The following ST6GALNAC5 variants were observed in gnomAD, a reference collection of about 807,000 sequenced individuals.
ST6GALNAC5 encodes the protein ST6 N-acetylgalactosaminide alpha-2,6-sialyltransferase 5.
In ST6GALNAC5, 27 loss-of-function variants were observed where a neutral mutation model predicts 33.6. The observed-to-expected ratio is 0.80, with a 90% CI of 0.59 to 1.11. The LOEUF (loss-of-function observed/expected upper bound fraction) is 1.11. ST6GALNAC5 is among the 50% of genes least tolerant of loss of function. The probability of loss-of-function intolerance (pLI) is 0.00; values close to 1 mark genes in which losing one functional copy is unlikely to be tolerated. For missense variants in ST6GALNAC5, 428 were observed against 454.0 expected, an observed-to-expected ratio of 0.94 and a Z score of 0.52; for synonymous variants, 194 against 171.2, an observed-to-expected ratio of 1.13 and a Z score of -1.04.
chr1:76,931,965 G>A (rs918184135), intron 2 of ST6GALNAC5, among the ~76,000 whole-genome samples: 1 of 152,044 alleles, frequency 6.6e-6, no homozygotes, highest in African/African-American at 2.4e-5. Context: ...GTTTCAAGAT[G>A]AAGAGAATAC....
intron 2 of ST6GALNAC5, among the ~76,000 whole-genome samples, chr1:76,950,386 C>T (rs913132092): frequency 6.6e-6 from 1 of 151,744 alleles, no homozygotes; most frequent in African/African-American, 2.4e-5. Flanking sequence ...TTCTTTAGTC[C>T]CAACTTATAG....
At chr1:77,001,641 G>T (rs1373397879) in intron 2 of ST6GALNAC5, among the ~76,000 whole-genome samples, 2 of 151,902 alleles carry the variant, frequency 1.3e-5, no homozygotes, top group Non-Finnish European at 2.9e-5. Context: ...GTCGTAGATA[G>T]CTCTTATTTT....
intron 2 of ST6GALNAC5, among the ~76,000 whole-genome samples, chr1:76,931,715 G>A (rs1647143760): frequency 6.6e-6 from 1 of 152,058 alleles, no homozygotes; most frequent in African/African-American, 2.4e-5. Flanking sequence ...ATATATTTGG[G>A]TTTCTGAAGA....
At chr1:76,876,233 G>A (rs546166067) in intron 2 of ST6GALNAC5, among the ~76,000 whole-genome samples, 36 of 152,278 alleles carry the variant, frequency 2.4e-4, no homozygotes, top group African/African-American at 8.4e-4. Context: ...CCATATCGAG[G>A]GCTCAGTGTT....
At chr1:77,036,216 A>C (rs1651640469) in intron 2 of ST6GALNAC5, among the ~76,000 whole-genome samples, 2 of 152,222 alleles carry the variant, frequency 1.3e-5, no homozygotes, top group Admixed American at 6.5e-5. Flanking sequence ...AGAAAAGGCC[A>C]ATCTTTAGAG....
intron 2 of ST6GALNAC5, among the ~76,000 whole-genome samples, chr1:77,029,678 C>G (rs190003445): frequency 4.1e-4 from 63 of 152,296 alleles, no homozygotes; most frequent in Admixed American, 2.2e-3. Flanking sequence ...ACCATCATAC[C>G]TGAGTGAGGA....
intron 2 of ST6GALNAC5, among the ~76,000 whole-genome samples, chr1:77,010,545 A>G (rs949306063): frequency 7.2e-5 from 11 of 152,112 alleles, no homozygotes; most frequent in African/African-American, 2.7e-4. Flanking sequence ...CTGTTGGGGT[A>G]CACACTTCCA....
intron 2 of ST6GALNAC5, among the ~76,000 whole-genome samples, chr1:76,937,790 A>G (rs899927479): frequency 2.0e-5 from 3 of 152,096 alleles, no homozygotes; most frequent in African/African-American, 4.8e-5. Context: ...AATATTTATA[A>G]TTCATTACTT....
At chr1:76,911,543 G>T (rs1446310392) in intron 2 of ST6GALNAC5, among the ~76,000 whole-genome samples, 9 of 152,184 alleles carry the variant, frequency 5.9e-5, no homozygotes, top group Middle Eastern at 3.4e-3. Context: ...TGTACCTCTG[G>T]TAGAATTCGG....
At chr1:76,994,107 G>A (rs932801406) in intron 2 of ST6GALNAC5, among the ~76,000 whole-genome samples, 1 of 152,042 alleles carries the variant, frequency 6.6e-6, no homozygotes, top group Non-Finnish European at 1.5e-5. Context: ...CTCTTGCAAG[G>A]TCATATTTCA....
chr1:76,907,945 C>T (rs754710835), intron 2 of ST6GALNAC5, among the ~76,000 whole-genome samples: 1 of 152,118 alleles, frequency 6.6e-6, no homozygotes, highest in Non-Finnish European at 1.5e-5. Context: ...TTTATGCGAA[C>T]ACTTGAGATG....
chr1:76,971,209 A>G (rs1648741906), intron 2 of ST6GALNAC5, among the ~76,000 whole-genome samples: 1 of 152,200 alleles, frequency 6.6e-6, no homozygotes, highest in African/African-American at 2.4e-5. Context: ...AAATTAAAAA[A>G]TTAAATGTTT....
chr1:77,019,456 G>A (rs1488048950), intron 2 of ST6GALNAC5, among the ~76,000 whole-genome samples: 1 of 152,130 alleles, frequency 6.6e-6, no homozygotes, highest in Non-Finnish European at 1.5e-5. Flanking sequence ...TTCTCACCAC[G>A]GGAGCCTGCA....
intron 2 of ST6GALNAC5, among the ~76,000 whole-genome samples, chr1:77,009,411 A>T (rs1650546474): frequency 6.6e-6 from 1 of 152,180 alleles, no homozygotes; most frequent in Non-Finnish European, 1.5e-5. Flanking sequence ...CACTATAAAC[A>T]TGGCACGCAG....
chr1:77,025,752 C>G (rs141643368), intron 2 of ST6GALNAC5, among the ~76,000 whole-genome samples: 1 of 152,074 alleles, frequency 6.6e-6, no homozygotes, highest in South Asian at 2.1e-4. Flanking sequence ...TCCACTGTGC[C>G]GGGTCATCCA....
intron 2 of ST6GALNAC5, among the ~76,000 whole-genome samples, chr1:77,024,143 C>T (rs1012518394): frequency 6.6e-6 from 1 of 152,190 alleles, no homozygotes; most frequent in Non-Finnish European, 1.5e-5. Flanking sequence ...TTCCAACACC[C>T]TGCAGCTGAC....
In ST6GALNAC5 at chr1:77,050,315, G is replaced by A. The variant is rs774997099; in HGVS notation, c.729G>A (p.Glu243=). The change falls in exon 4 of 5, where the codon GAG becomes GAA. Residue 243 remains glutamate, a synonymous_variant. Transcript: ENST00000477717. ...TGWFTMTIAL[E]LCDRINVYGM... is the part of the protein sequence containing the mutation. ...GGTTTACAATGACAATTGCACTGGAGCTCTGTGACAGGATCAATGTTTATG... is the reference window on the plus strand; with the variant it reads ...GGTTTACAATGACAATTGCACTGGAACTCTGTGACAGGATCAATGTTTATG... 1 of 1,613,988 alleles carries A rather than the reference G, an allele frequency of 6.2e-7. No homozygotes were observed. The highest frequency in any genetic ancestry group is 1.3e-5 in the African/African-American group (1 of 74,932).
At chr1:76,929,061 G>A (rs935312141) in intron 2 of ST6GALNAC5, among the ~76,000 whole-genome samples, 3 of 152,130 alleles carry the variant, frequency 2.0e-5, no homozygotes, top group Non-Finnish European at 4.4e-5. Context: ...AATATTTGTT[G>A]AATACTTGCT....
intron 2 of ST6GALNAC5, among the ~76,000 whole-genome samples, chr1:77,031,489 GA>G (rs1168612581): frequency 6.6e-6 from 1 of 152,140 alleles, no homozygotes; most frequent in Non-Finnish European, 1.5e-5. Context: ...TCAGTGTCCA[GA>G]ACCTCAAATG....
Sources: gnomAD v4.1 joint callset for allele counts (sites outside exome capture counted in the v4.1 genomes callset) on GRCh38, gnomAD v4.1.1 for gene constraint, MANE v1.5 for transcripts, NCBI Gene and HGNC (gene_info 2026-07-23, HGNC 2026-07-21) for gene names.